Variants in NAALADL2 observed in about 807,000 individuals in gnomAD.
NAALADL2 encodes the protein inactive N-acetylated-alpha-linked acidic dipeptidase-like protein 2.
In NAALADL2, 76 loss-of-function variants were observed where a neutral mutation model predicts 87.2. The ratio of observed to expected loss-of-function variants is 0.87; its 90% CI spans 0.72 to 1.05. The LOEUF (loss-of-function observed/expected upper bound fraction) is 1.05, where lower values mean the gene tolerates loss of function less well. Ranked by LOEUF, NAALADL2 falls within the 50% of genes least tolerant of loss-of-function variation. The pLI, the probability that NAALADL2 is intolerant of heterozygous loss-of-function variation, is 0.00. For synonymous variants in NAALADL2, 354 were observed against 331.0 expected (o/e 1.07, Z -0.75); for missense variants, 1,089 against 945.8 (o/e 1.15, Z -1.99).
chr3:174,549,452 A>T (rs1259943551), intron 1 of NAALADL2, among the ~76,000 whole-genome samples: 1 of 152,232 alleles, frequency 6.6e-6, no homozygotes, highest in Non-Finnish European at 1.5e-5. Flanking sequence ...TTGATATAAA[A>T]TCACCTGGTG....
At chr3:175,417,903 G>A (rs191845095) in intron 5 of NAALADL2, among the ~76,000 whole-genome samples, 1 of 152,196 alleles carries the variant, frequency 6.6e-6, no homozygotes, top group African/African-American at 2.4e-5. Context: ...GGGCTCCTGA[G>A]CCTTTTTATG....
intron 9 of NAALADL2, among the ~76,000 whole-genome samples, chr3:175,472,204 A>C (rs1449237982): frequency 6.6e-6 from 1 of 152,004 alleles, no homozygotes; most frequent in African/African-American, 2.4e-5. Flanking sequence ...GTGATAACTA[A>C]ATTTAAAAGA....
chr3:175,123,914 T>C (rs1367116176), intron 2 of NAALADL2, among the ~76,000 whole-genome samples: 2 of 152,000 alleles, frequency 1.3e-5, no homozygotes, highest in Non-Finnish European at 2.9e-5. Flanking sequence ...AATTTTTGTG[T>C]TTTTTCTTTT....
intron 1 of NAALADL2, among the ~76,000 whole-genome samples, chr3:174,975,325 A>G (rs1017308143): frequency 2.0e-5 from 3 of 152,174 alleles, no homozygotes; most frequent in African/African-American, 7.2e-5. Context: ...TTAAGTGTTC[A>G]TTGGGAAGAA....
At chr3:174,662,508 T>C (rs1483666501) in intron 2 of NAALADL2, among the ~76,000 whole-genome samples, 1 of 148,794 alleles carries the variant, frequency 6.7e-6, no homozygotes, top group Non-Finnish European at 1.5e-5. Context: ...TTGTTTGTGT[T>C]CTGAAGTCGT....
intron 4 of NAALADL2, among the ~76,000 whole-genome samples, chr3:175,258,112 T>G (rs1329159910): frequency 6.6e-6 from 1 of 151,800 alleles, no homozygotes; most frequent in Non-Finnish European, 1.5e-5. Flanking sequence ...ATTGAGACCA[T>G]CTTGGCCAAC....
chr3:175,650,268 A>C (rs1262130861), intron 11 of NAALADL2, among the ~76,000 whole-genome samples: 1 of 152,188 alleles, frequency 6.6e-6, no homozygotes, highest in Non-Finnish European at 1.5e-5. Flanking sequence ...CAGAGATGAC[A>C]AATTTATAGA....
At position 175,243,321 on chromosome 3, in the gene NAALADL2, AACAC is replaced by A. The variant is rs113418317; in HGVS notation, c.819+9138_819+9141del. Among the ~76,000 whole-genome samples, 675 of 144,638 alleles carry A rather than the reference AACAC, an allele frequency of 4.7e-3. 5 individuals are homozygous for A. Among genetic ancestry groups the A allele is most frequent in the African/African-American group, 0.016 (604 of 38,914 alleles). 94.9% of individuals were successfully genotyped at this position (144,638 alleles called of 152,430 possible). The stretch of plus-strand genomic sequence containing the variant: ...GTTTTGTTCTACCACTTTAGAAGGA[AACAC>A]ACACACACACACACACACACGCACG... On this transcript the variant is annotated intron_variant, in intron 3 of 13. Transcript: ENST00000454872.
intron 1 of NAALADL2, among the ~76,000 whole-genome samples, chr3:174,441,326 C>T (rs1268014450): frequency 6.6e-6 from 1 of 152,180 alleles, no homozygotes; most frequent in Admixed American, 6.5e-5. Flanking sequence ...GCTCCCAACC[C>T]GCTCCAAGGC....
At chr3:175,071,638 G>A (rs1190099314) in intron 1 of NAALADL2, among the ~76,000 whole-genome samples, 1 of 152,000 alleles carries the variant, frequency 6.6e-6, no homozygotes, top group Non-Finnish European at 1.5e-5. Flanking sequence ...CAATTAATTG[G>A]TTGTATCAGT....
rs77969217 is a variant in NAALADL2, at chr3:175,724,023, C to G, written c.1897-13283C>G. On this transcript the variant is annotated intron_variant, in intron 11 of 13. Coordinates refer to ENST00000454872, the MANE Select transcript of NAALADL2 (RefSeq NM_207015.3). ...TCTTTCTGTTTTTCTTTGCTAATAGCATCCAAACCATCCAAAGCCCCTTTA... is the reference window on the plus strand; with the variant it reads ...TCTTTCTGTTTTTCTTTGCTAATAGGATCCAAACCATCCAAAGCCCCTTTA... Among the ~76,000 whole-genome samples the G allele has an allele frequency of 1.4e-3, 212 of 152,216 alleles. 2 individuals carry two copies. Among genetic ancestry groups the G allele is most frequent in the African/African-American group, 4.7e-3 (196 of 41,546 alleles).
intron 3 of NAALADL2, among the ~76,000 whole-genome samples, chr3:174,761,782 C>T (rs1713001686): frequency 7.3e-6 from 1 of 136,994 alleles, no homozygotes; most frequent in South Asian, 2.7e-4. Context: ...ACGACAGTCC[C>T]TGGAGTGTGA....
intron 2 of NAALADL2, among the ~76,000 whole-genome samples, chr3:174,628,820 G>C (rs1163162521): frequency 1.3e-5 from 2 of 152,082 alleles, no homozygotes; most frequent in East Asian, 3.9e-4. Context: ...TCTCTTCACT[G>C]TCAGATTAAT....
At chr3:174,751,277 A>G (rs1578783434) in intron 3 of NAALADL2, among the ~76,000 whole-genome samples, 2 of 152,202 alleles carry the variant, frequency 1.3e-5, no homozygotes, top group South Asian at 2.1e-4. Context: ...CAAAATTGTT[A>G]TGAAATTTTG....
intron 1 of NAALADL2, among the ~76,000 whole-genome samples, chr3:174,521,855 G>A (rs894685786): frequency 1.3e-5 from 2 of 152,096 alleles, no homozygotes; most frequent in African/African-American, 4.8e-5. Context: ...TTTGGGTGAT[G>A]GGTACACTAG....
rs541042655 is a variant in NAALADL2, at chr3:175,128,091, C to G, written c.545+30800C>G. Among the ~76,000 whole-genome samples the G allele has an allele frequency of 2.6e-5, 4 of 152,162 alleles. No homozygotes were observed. The South Asian group carries it at 8.3e-4, about 32-fold the overall frequency. On this transcript the variant is annotated intron_variant, in intron 2 of 13. Transcript: ENST00000454872. The stretch of plus-strand genomic sequence containing the variant: ...TACACATCTATGAATGTTATCATCT[C>G]TTGGTTAAGTAATATAGAAGGTTGT...
At chr3:175,162,941 T>C (rs1262032903) in intron 2 of NAALADL2, among the ~76,000 whole-genome samples, 1 of 152,136 alleles carries the variant, frequency 6.6e-6, no homozygotes, top group Non-Finnish European at 1.5e-5. Flanking sequence ...GAAAATGATG[T>C]TGACATATGA....
At chr3:174,856,452 G>A (rs953535159), upstream of NAALADL2, among the ~76,000 whole-genome samples, 15 of 152,044 alleles carry the variant, frequency 9.9e-5, no homozygotes, top group Admixed American at 9.2e-4. Flanking sequence ...ATCATTCTGA[G>A]TGACTTGATG....
At chr3:175,367,468 A>G (rs1398650643) in intron 5 of NAALADL2, among the ~76,000 whole-genome samples, 2 of 152,064 alleles carry the variant, frequency 1.3e-5, no homozygotes, top group African/African-American at 2.4e-5. Context: ...CATTTTCACG[A>G]TACTGATTCT....
Sources: gnomAD v4.1 joint callset for allele counts (sites outside exome capture counted in the v4.1 genomes callset) on GRCh38, gnomAD v4.1.1 for gene constraint, MANE v1.5 for transcripts, NCBI Gene and HGNC (gene_info 2026-07-23, HGNC 2026-07-21) for gene names.